Variants in AUTS2 observed in about 807,000 individuals in gnomAD.
AUTS2 encodes the protein autism susceptibility gene 2 protein.
In AUTS2, 17 loss-of-function variants were observed where a neutral mutation model predicts 112.4. The ratio of observed to expected loss-of-function variants is 0.15; its 90% CI spans 0.10 to 0.23. AUTS2 has a LOEUF of 0.23. AUTS2 is among the 10% of genes least tolerant of loss of function. AUTS2 has a pLI of 1.00. For missense variants in AUTS2, 1,510 were observed against 1,701.6 expected, an observed-to-expected ratio of 0.89 and a Z score of 1.98; for synonymous variants, 751 against 702.7, an observed-to-expected ratio of 1.07 and a Z score of -1.09.
At chr7:70,640,339 C>G (rs1225560489) in intron 5 of AUTS2, among the ~76,000 whole-genome samples, 3 of 145,624 alleles carry the variant, frequency 2.1e-5, no homozygotes, top group African/African-American at 7.6e-5. Context: ...TTATAAATCT[C>G]TCAAGGGGAA....
intron 2 of AUTS2, among the ~76,000 whole-genome samples, chr7:69,968,717 T>C (rs78105981): frequency 0.083 from 12,694 of 152,216 alleles, 612 homozygotes; most frequent in East Asian, 0.13. Context: ...AACTGTGATG[T>C]GGCAAGATGG....
At chr7:70,183,471 C>T (rs546317706) in intron 4 of AUTS2, among the ~76,000 whole-genome samples, 1 of 152,352 alleles carries the variant, frequency 6.6e-6, no homozygotes, top group Admixed American at 6.5e-5. Context: ...TGCCTGCCCC[C>T]TCCCCTCATG....
At position 70,235,604 on chromosome 7, in the gene AUTS2, T is replaced by G. The variant is rs569667052; in HGVS notation, c.660+101033T>G. 2.2e-4 allele frequency among the ~76,000 whole-genome samples: 33 copies of G among 152,156 alleles called. 1 individual carries two copies. The highest frequency in any genetic ancestry group is 2.0e-3 in the Admixed American group (31 of 15,264). ...GATGCTCTGCTTCTCTTGATAGATATGAAAGCAGGATACCTATCTTCCACC... is the reference window on the plus strand; with the variant it reads ...GATGCTCTGCTTCTCTTGATAGATAGGAAAGCAGGATACCTATCTTCCACC... On this transcript the variant is annotated intron_variant, in intron 4 of 18. Transcript: ENST00000342771.
intron 2 of AUTS2, among the ~76,000 whole-genome samples, chr7:70,097,400 A>G (rs1804261884): frequency 6.6e-6 from 1 of 152,206 alleles, no homozygotes; most frequent in Non-Finnish European, 1.5e-5. Context: ...TAATTTGAAA[A>G]AAATGCATCC....
intron 5 of AUTS2, among the ~76,000 whole-genome samples, chr7:70,611,247 T>A (rs112675198): frequency 0.012 from 1,780 of 152,298 alleles, 25 homozygotes; most frequent in African/African-American, 0.039. Context: ...CATTAGCCAG[T>A]GGGTATTAAC....
chr7:70,024,179 A>G (rs1800409955), intron 2 of AUTS2, among the ~76,000 whole-genome samples: 1 of 152,236 alleles, frequency 6.6e-6, no homozygotes, highest in Admixed American at 6.5e-5. Context: ...TTTAATGACA[A>G]ACATTTTTGC....
intron 2 of AUTS2, among the ~76,000 whole-genome samples, chr7:70,108,536 T>C (rs1584733995): frequency 6.6e-6 from 1 of 151,940 alleles, no homozygotes; most frequent in African/African-American, 2.4e-5. Flanking sequence ...CCCTTCCCAA[T>C]AGGTATTGCT....
chr7:69,899,923 C>A (rs915600952), intron 2 of AUTS2, among the ~76,000 whole-genome samples: 35 of 152,234 alleles, frequency 2.3e-4, no homozygotes, highest in African/African-American at 8.2e-4. Flanking sequence ...AAATGCCTTG[C>A]TAAGATTTAT....
intron 5 of AUTS2, among the ~76,000 whole-genome samples, chr7:70,462,246 C>T (rs183244719): frequency 9.9e-4 from 150 of 151,816 alleles, no homozygotes; most frequent in African/African-American, 3.2e-3. Context: ...AGCAAGACTC[C>T]GTGTCGAAAA....
Position 70,766,637 on chromosome 7 carries a change from C to T in AUTS2, c.1689+303C>T, listed in dbSNP as rs1789966943. Among the ~76,000 whole-genome samples, 1 of 152,298 alleles carries T rather than the reference C, an allele frequency of 6.6e-6. No individual in the cohort carries two copies. Among genetic ancestry groups the T allele is most frequent in the East Asian group, 1.9e-4 (1 of 5,182 alleles). On this transcript the variant is annotated intron_variant, in intron 9 of 18. Transcript: ENST00000342771. The surrounding 1 kb of genome is among the most constrained non-coding windows in gnomAD (Gnocchi z 4.8). ...ACTTCTTAAAGGGTTGTTTAGTTTT[C>T]TTGAACTTCCCGGGGGACTGTCACC...
chr7:70,634,728 C>T (rs1805447131), intron 5 of AUTS2, among the ~76,000 whole-genome samples: 1 of 152,176 alleles, frequency 6.6e-6, no homozygotes, highest in South Asian at 2.1e-4. Flanking sequence ...GTGACCTCAG[C>T]CAACCACTTG....
intron 1 of AUTS2, among the ~76,000 whole-genome samples, chr7:69,741,183 A>G (rs1262309125): frequency 6.6e-6 from 1 of 152,102 alleles, no homozygotes; most frequent in Non-Finnish European, 1.5e-5. Context: ...TTTCCTAAGG[A>G]CACACATGTG....
chr7:70,764,429 G>A (rs1405250563), intron 7 of AUTS2, among the ~76,000 whole-genome samples: 2 of 152,130 alleles, frequency 1.3e-5, no homozygotes, highest in Non-Finnish European at 2.9e-5. Flanking sequence ...GGAAGGCTGG[G>A]GATTTTCTAG....
chr7:69,627,555 C>T (rs1414096930), intron 1 of AUTS2, among the ~76,000 whole-genome samples: 1 of 152,042 alleles, frequency 6.6e-6, no homozygotes, highest in African/African-American at 2.4e-5. Context: ...TTAGTAGCTA[C>T]TGTTGCAATG....
At chr7:70,037,199 CAG>C (rs1333651029) in intron 2 of AUTS2, among the ~76,000 whole-genome samples, 1 of 151,818 alleles carries the variant, frequency 6.6e-6, no homozygotes, top group East Asian at 1.9e-4. Flanking sequence ...GATAAAAATA[CAG>C]AGAGAGAATA....
At chr7:69,969,892 C>T (rs1415746082) in intron 2 of AUTS2, among the ~76,000 whole-genome samples, 1 of 152,120 alleles carries the variant, frequency 6.6e-6, no homozygotes, top group Non-Finnish European at 1.5e-5. Flanking sequence ...CTTCAATATC[C>T]ATCTCCTAGT....
At chr7:69,936,663 T>C (rs531121428) in intron 2 of AUTS2, among the ~76,000 whole-genome samples, 24 of 152,238 alleles carry the variant, frequency 1.6e-4, no homozygotes, top group Admixed American at 6.5e-4. Flanking sequence ...CATACAGATA[T>C]TTTTTGGCTG....
At chr7:69,668,991 A>G (rs1488476633) in intron 1 of AUTS2, among the ~76,000 whole-genome samples, 1 of 152,144 alleles carries the variant, frequency 6.6e-6, no homozygotes, top group East Asian at 1.9e-4. Context: ...TTGACCATTG[A>G]GAGACACACA....
In AUTS2 at chr7:70,631,131, G is replaced by A. The variant is rs921378244; in HGVS notation, c.691-67438G>A. Among the ~76,000 whole-genome samples the A allele has an allele frequency of 2.6e-5, 4 of 152,118 alleles. No individual in the cohort carries two copies. The highest frequency in any genetic ancestry group is 5.9e-5 in the Non-Finnish European group (4 of 68,036). ...AGCCAGCAACCCGCTCTGGCCCCTC[G>A]CCGCGCCATTCCTGATGACAAACTG... On this transcript the variant is annotated intron_variant, in intron 5 of 18. Transcript: ENST00000342771. This position sits in a 1 kb window ranked among gnomAD's most constrained non-coding sequence, Gnocchi z 4.5.
Sources: gnomAD v4.1 joint callset for allele counts (sites outside exome capture counted in the v4.1 genomes callset) on GRCh38, gnomAD v4.1.1 for gene constraint, Gnocchi (gnomAD v3.1) non-coding constraint, MANE v1.5 for transcripts, NCBI Gene and HGNC (gene_info 2026-07-23, HGNC 2026-07-21) for gene names.